The following BMPR1A variants were observed in gnomAD, a reference collection of about 807,000 sequenced individuals.
BMPR1A encodes the protein bone morphogenetic protein receptor type-1A.
BMPR1A carries 7 observed loss-of-function variants against 66.0 expected under a neutral mutation model. The observed-to-expected ratio is 0.11, with a 90% CI of 0.06 to 0.20. The LOEUF is 0.20. Ranked by LOEUF, BMPR1A falls within the 10% of genes least tolerant of loss-of-function variation. BMPR1A has a pLI of 1.00. For missense variants in BMPR1A, 408 were observed against 669.1 expected, an observed-to-expected ratio of 0.61 and a Z score of 4.31; for synonymous variants, 200 against 229.7, an observed-to-expected ratio of 0.87 and a Z score of 1.17.
intron 1 of BMPR1A, among the ~76,000 whole-genome samples, chr10:86,816,137 C>T (rs1220585339): frequency 6.6e-6 from 1 of 152,218 alleles, no homozygotes; most frequent in African/African-American, 2.4e-5. Context: ...TGCTGTCTAA[C>T]ATGGCAGCCA....
chr10:86,770,632 C>G (rs1008210215), intron 1 of BMPR1A, among the ~76,000 whole-genome samples: 1 of 152,186 alleles, frequency 6.6e-6, no homozygotes, highest in Non-Finnish European at 1.5e-5. Flanking sequence ...ATTCATCAGA[C>G]CACACCCCTT....
chr10:86,834,157 TGTGTTACCAGACTACCCACTG>T (rs781199675), intron 1 of BMPR1A, among the ~76,000 whole-genome samples: 1 of 152,228 alleles, frequency 6.6e-6, no homozygotes, highest in Non-Finnish European at 1.5e-5. Context: ...GCATTAGGAA[TGTGTTACCAGACTACCCACTG>T]GCAAGGGGAA....
intron 1 of BMPR1A, among the ~76,000 whole-genome samples, chr10:86,804,520 AC>A (rs1841858606): frequency 6.6e-6 from 1 of 152,182 alleles, no homozygotes; most frequent in African/African-American, 2.4e-5. Context: ...GGCATGAGCC[AC>A]TGAGCCCAGC....
chr10:86,919,147 C>A (rs745841853), intron 9 of BMPR1A, 25 bp from the exon 10 acceptor site: 3 of 1,613,584 alleles, frequency 1.9e-6, no homozygotes, highest in Non-Finnish European at 2.5e-6. Flanking sequence ...TGATAACTAA[C>A]CTTTTAAACT....
intron 1 of BMPR1A, among the ~76,000 whole-genome samples, chr10:86,820,480 G>A (rs763505272): frequency 2.3e-4 from 35 of 150,218 alleles, no homozygotes; most frequent in Admixed American, 5.3e-4. Context: ...CTTCCTTCTC[G>A]GCTGTTTCAC....
intron 1 of BMPR1A, among the ~76,000 whole-genome samples, chr10:86,787,438 A>G (rs1325473642): frequency 6.6e-6 from 1 of 152,248 alleles, no homozygotes; most frequent in Non-Finnish European, 1.5e-5. Flanking sequence ...TTGTAGGGTA[A>G]GTAATTAGAT....
chr10:86,894,304 A>G (rs1466034714), intron 5 of BMPR1A, among the ~76,000 whole-genome samples: 1 of 152,238 alleles, frequency 6.6e-6, no homozygotes, highest in Non-Finnish European at 1.5e-5. Flanking sequence ...TGGTTTCTTC[A>G]CACAAATAAG....
intron 2 of BMPR1A, among the ~76,000 whole-genome samples, chr10:86,863,139 G>A (rs1387799490): frequency 1.3e-5 from 2 of 151,956 alleles, no homozygotes; most frequent in Admixed American, 1.3e-4. Context: ...CACCAGGCCT[G>A]GCTAATTTCT....
intron 1 of BMPR1A, among the ~76,000 whole-genome samples, chr10:86,825,990 C>G (rs1027762923): frequency 6.6e-6 from 1 of 152,040 alleles, no homozygotes; most frequent in Non-Finnish European, 1.5e-5. Context: ...ATTTATAAAT[C>G]GATAGAAAAG....
intron 1 of BMPR1A, among the ~76,000 whole-genome samples, chr10:86,838,463 A>G (rs1455454174): frequency 6.6e-6 from 1 of 152,210 alleles, no homozygotes; most frequent in Non-Finnish European, 1.5e-5. Context: ...ATACAAAAGT[A>G]GAAAAAAGTG....
intron 2 of BMPR1A, among the ~76,000 whole-genome samples, chr10:86,867,844 C>T (rs1034808298): frequency 2.0e-5 from 3 of 151,916 alleles, no homozygotes; most frequent in Admixed American, 6.6e-5. Flanking sequence ...AGAGTTTATA[C>T]TTGTGTTGGG....
At chr10:86,910,789 T>C (rs1229424178) in intron 7 of BMPR1A, among the ~76,000 whole-genome samples, 1 of 152,160 alleles carries the variant, frequency 6.6e-6, no homozygotes, top group Non-Finnish European at 1.5e-5. Flanking sequence ...GAATGGACCA[T>C]ATGACTAAAT....
intron 3 of BMPR1A, among the ~76,000 whole-genome samples, chr10:86,881,989 A>G (rs1842992448): frequency 6.6e-6 from 1 of 151,950 alleles, no homozygotes; most frequent in Non-Finnish European, 1.5e-5. Context: ...TAGGTGTGAT[A>G]ACTGTGTTTT....
At chr10:86,800,703 T>C (rs527697282) in intron 1 of BMPR1A, among the ~76,000 whole-genome samples, 1 of 152,378 alleles carries the variant, frequency 6.6e-6, no homozygotes, top group East Asian at 1.9e-4. Flanking sequence ...AGGCGATTTG[T>C]GTTTTAAGAA....
At chr10:86,769,409 TA>T (rs71019428) in intron 1 of BMPR1A, among the ~76,000 whole-genome samples, 5 of 152,294 alleles carry the variant, frequency 3.3e-5, no homozygotes, top group Admixed American at 6.5e-5. Flanking sequence ...GTGGACAACA[TA>T]GCGAGACCCT....
At chr10:86,756,505 G>A (rs1213260426), upstream of BMPR1A, 1 of 149,952 alleles carries the variant, frequency 6.7e-6, no homozygotes, top group Non-Finnish European at 1.5e-5. Context: ...GCCCGTGGTC[G>A]GGTGCGCGCG....
chr10:86,830,317 A>G (rs1190531642), intron 1 of BMPR1A, among the ~76,000 whole-genome samples: 1 of 152,218 alleles, frequency 6.6e-6, no homozygotes, highest in Non-Finnish European at 1.5e-5. Context: ...GGAATTTACA[A>G]GGAAGTACAC....
intron 1 of BMPR1A, among the ~76,000 whole-genome samples, chr10:86,781,174 T>TAGGTCTTTG (rs2132709988): frequency 6.6e-6 from 1 of 152,240 alleles, no homozygotes; most frequent in East Asian, 1.9e-4. Flanking sequence ...ATCTTACACT[T>TAGGTCTTTG]AGGTCTTTGA....
chr10:86,903,613 A>G (rs1843342753), intron 7 of BMPR1A, among the ~76,000 whole-genome samples: 1 of 151,706 alleles, frequency 6.6e-6, no homozygotes, highest in Non-Finnish European at 1.5e-5. Context: ...TTATTTATTT[A>G]TTTATTTATT....
Sources: gnomAD v4.1 joint callset for allele counts (sites outside exome capture counted in the v4.1 genomes callset) on GRCh38, gnomAD v4.1.1 for gene constraint, MANE v1.5 for transcripts, NCBI Gene and HGNC (gene_info 2026-07-23, HGNC 2026-07-21) for gene names.